FAM118B: variants seen among roughly 807,000 people sequenced by gnomAD.
FAM118B encodes the protein protein FAM118B.
FAM118B carries 24 observed loss-of-function variants against 38.5 expected under a neutral mutation model. The observed-to-expected ratio is 0.62, with a 90% confidence interval of 0.45 to 0.88. The LOEUF (loss-of-function observed/expected upper bound fraction) is 0.88. FAM118B is among the 40% of genes least tolerant of loss of function. The probability of loss-of-function intolerance (pLI) is 0.00; values close to 1 mark genes in which losing one functional copy is unlikely to be tolerated. For synonymous variants in FAM118B, 138 were observed against 156.3 expected, an observed-to-expected ratio of 0.88 and a Z score of 0.87; for missense variants, 334 against 420.0, an observed-to-expected ratio of 0.80 and a Z score of 1.79.
At chr11:126,211,760 A>G (rs1949879436), upstream of FAM118B, 4 of 1,153,076 alleles carry the variant, frequency 3.5e-6, no homozygotes, top group East Asian at 2.4e-5. Context: ...TCACGTGGGG[A>G]CGGTGCGCGC....
At position 126,211,809 on chromosome 11, in the gene FAM118B, A is replaced by T. The variant is rs1475263995; in HGVS notation, c.-98A>T. The T allele has an allele frequency of 2.9e-6, 2 of 690,896 alleles. No homozygotes were observed. Among genetic ancestry groups the T allele is most frequent in the Non-Finnish European group, 4.8e-6 (2 of 417,576 alleles). The allele number at this position is 690,896 out of a possible 1,614,324, so 42.8% of individuals were successfully genotyped here. ...GCCGGCCGGTAGCTGCAGCTGGAGC[A>T]GTGGCGTTTGGAGGAGACTCGGTGA... On this transcript the variant is annotated 5_prime_UTR_variant, in exon 1 of 9. Transcript: ENST00000533050.
intron 4 of FAM118B, among the ~76,000 whole-genome samples, chr11:126,248,358 CT>C (rs1167017613): frequency 3.5e-4 from 13 of 36,962 alleles, no homozygotes; most frequent in Non-Finnish European, 4.8e-4. Context: ...TAGTAGTTGA[CT>C]TTTTTTTTTT....
In FAM118B at chr11:126,214,490, GTTTTTTT is replaced by G. The variant is rs1340216655; in HGVS notation, c.-77+2666_-77+2672del. 2.0e-3 allele frequency: 52 copies of G among 25,848 alleles called. 4 individuals carry two copies. Among genetic ancestry groups the G allele is most frequent in the African/African-American group, 7.0e-3 (50 of 7,124 alleles). 1.6% of individuals were successfully genotyped at this position (25,848 alleles called of 1,614,324 possible). A position where few individuals can be genotyped will look rare whatever the true frequency, so the allele number is the denominator to read the frequency against. On this transcript the variant is annotated intron_variant, in intron 1 of 8. Coordinates refer to ENST00000533050, the MANE Select transcript of FAM118B (RefSeq NM_024556.4). Reference sequence around the variant, plus strand: ...CACTGCAAAAAACTCTTTTGTTTCTGTTTTTTTTTTTTGTTTTTTTTTTGTTTTTTTT... The same window carrying G: ...CACTGCAAAAAACTCTTTTGTTTCTGTTTTTGTTTTTTTTTTGTTTTTTTT...
chr11:126,246,613 C>CT lies in FAM118B; in HGVS notation c.340-3886dup, dbSNP rs996403382. ...GTGGGGGAACAGGTTTTTTTTCTTT[C>CT]TTTTTTTAAATAGAAATGGGGTCTC... On this transcript the variant is annotated intron_variant, in intron 4 of 8. Transcript: ENST00000533050. Among the ~76,000 whole-genome samples, 6 of 151,902 alleles carry CT rather than the reference C, an allele frequency of 3.9e-5. No homozygotes were observed. In the South Asian group the frequency reaches 6.2e-4, roughly 16 times the overall value.
At chr11:126,212,047 C>G (rs1047890604) in intron 1 of FAM118B, among the ~76,000 whole-genome samples, 6 of 152,322 alleles carry the variant, frequency 3.9e-5, no homozygotes, top group African/African-American at 1.4e-4. Context: ...TCCTAGGCAC[C>G]GACGCCGTCC....
chr11:126,240,037 T>C (rs1950335023), intron 3 of FAM118B, among the ~76,000 whole-genome samples: 1 of 152,016 alleles, frequency 6.6e-6, no homozygotes, highest in East Asian at 1.9e-4. Flanking sequence ...AAAATTAATG[T>C]GAAGGAACAT....
chr11:126,239,151 G>T (rs687033), intron 3 of FAM118B, among the ~76,000 whole-genome samples: 79,492 of 151,346 alleles, frequency 0.53, 21,855 homozygotes, highest in East Asian at 0.81. Context: ...TTCTTTCTTT[G>T]TTTGGCAGAG....
In FAM118B at chr11:126,253,604, A is replaced by G. The variant is rs1197796452; in HGVS notation, c.568-701A>G. ...ATCTTATCTGCCCATGATAAAGTAT[A>G]TTAACAATTTGAACTGGGCTCAGTG... On this transcript the variant is annotated intron_variant, in intron 5 of 8. Coordinates refer to ENST00000533050, the MANE Select transcript of FAM118B (RefSeq NM_024556.4). The surrounding 1 kb of genome is among the most constrained non-coding windows in gnomAD (Gnocchi z 5.1). 6.6e-6 allele frequency among the ~76,000 whole-genome samples: 1 copy of G among 152,194 alleles called. No homozygotes were observed.
intron 1 of FAM118B, among the ~76,000 whole-genome samples, chr11:126,223,900 G>A (rs1030756962): frequency 2.0e-5 from 3 of 152,174 alleles, no homozygotes; most frequent in Admixed American, 6.5e-5. Context: ...CTGTTAGGAC[G>A]ATTGGCATAT....
Position 126,231,286 on chromosome 11 carries a change from A to G in FAM118B, c.-8+1993A>G, listed in dbSNP as rs142246644. On this transcript the variant is annotated intron_variant, in intron 2 of 8. Coordinates refer to ENST00000533050, the MANE Select transcript of FAM118B (RefSeq NM_024556.4). ...CAGAAAAACATTTTCCATTTTTGCT[A>G]TACATAGCAAGTCCCACAAAAATGA... Among the ~76,000 whole-genome samples, 19 of 152,334 alleles carry G rather than the reference A, an allele frequency of 1.2e-4. 3 individuals carry two copies. Among genetic ancestry groups the G allele is most frequent in the African/African-American group, 4.6e-4 (19 of 41,574 alleles).
At chr11:126,232,427 A>T (rs1047006089) in intron 2 of FAM118B, among the ~76,000 whole-genome samples, 13 of 152,190 alleles carry the variant, frequency 8.5e-5, no homozygotes, top group Admixed American at 7.2e-4. Context: ...GTTTATAAAT[A>T]GTCCATGGCA....
In FAM118B at chr11:126,253,749, C is replaced by G. The variant is rs1019280321; in HGVS notation, c.568-556C>G. On this transcript the variant is annotated intron_variant, in intron 5 of 8. Transcript: ENST00000533050. This position sits in a 1 kb window ranked among gnomAD's most constrained non-coding sequence, Gnocchi z 5.1. ...CCATACTTCCCTGCAAGCAATTGGC[C>G]AGGCCATATATGTCCCAGCAGGCTA... 6.6e-6 allele frequency among the ~76,000 whole-genome samples: 1 copy of G among 152,178 alleles called. No homozygotes were observed.
At chr11:126,241,083 C>A (rs3824924) in intron 4 of FAM118B, 39 bp downstream of exon 4, 174,282 of 1,511,882 alleles carry the variant, frequency 0.12, 10,425 homozygotes, top group South Asian at 0.14. Context: ...TTGGAATTTC[C>A]TAAAATTTAA....
intron 4 of FAM118B, among the ~76,000 whole-genome samples, chr11:126,249,731 C>CAAAAGAAAAAA (rs1950470551): frequency 1.3e-5 from 1 of 79,014 alleles, no homozygotes; most frequent in South Asian, 5.3e-4. Context: ...GACTCCGTCT[C>CAAAAGAAAAAA]AAAAAAAAAA....
chr11:126,230,167 C>A (rs993782980), intron 2 of FAM118B, among the ~76,000 whole-genome samples: 2 of 152,166 alleles, frequency 1.3e-5, no homozygotes, highest in African/African-American at 4.8e-5. Flanking sequence ...TAGAGGAAAC[C>A]GTGAGTTTGC....
At chr11:126,218,242 C>T (rs1950006689) in intron 1 of FAM118B, among the ~76,000 whole-genome samples, 1 of 152,220 alleles carries the variant, frequency 6.6e-6, no homozygotes, top group South Asian at 2.1e-4. Context: ...GCACAGGCTC[C>T]ACTTCCTTCA....
intron 1 of FAM118B, among the ~76,000 whole-genome samples, chr11:126,215,696 CAA>C (rs56687894): frequency 2.0e-4 from 19 of 93,918 alleles, no homozygotes; most frequent in African/African-American, 6.9e-4. Context: ...GACTCCGTCT[CAA>C]AAAAAAAAAA....
At chr11:126,249,317 T>A (rs1418766635) in intron 4 of FAM118B, among the ~76,000 whole-genome samples, 5 of 152,242 alleles carry the variant, frequency 3.3e-5, no homozygotes, top group Non-Finnish European at 7.3e-5. Context: ...TTGTTTACGT[T>A]AACCTTTTGT....
In FAM118B at chr11:126,242,740, A is replaced by T. The variant is rs966804104; in HGVS notation, c.339+1696A>T. ...AATCAAGAAGACAATAATAAGTGTT[A>T]TTAAGGATGTGGAGAAATTGGAACC... On this transcript the variant is annotated intron_variant, in intron 4 of 8. Coordinates refer to ENST00000533050, the MANE Select transcript of FAM118B (RefSeq NM_024556.4). 3.3e-5 allele frequency among the ~76,000 whole-genome samples: 5 copies of T among 152,348 alleles called. No homozygotes were observed. In the East Asian group the frequency reaches 7.7e-4, roughly 23 times the overall value.
Sources: allele counts gnomAD v4.1 joint callset (sites outside exome capture counted in the v4.1 genomes callset), GRCh38; gene constraint gnomAD v4.1.1; non-coding constraint Gnocchi (gnomAD v3.1); transcripts MANE v1.5; gene names NCBI Gene and HGNC (gene_info 2026-07-23, HGNC 2026-07-21).